Variants in NTRK3 observed in about 807,000 individuals in gnomAD.
NTRK3 encodes neurotrophic receptor tyrosine kinase 3, also known as NT-3 growth factor receptor.
A neutral mutation model predicts 91.7 loss-of-function variants in NTRK3; 24 were observed. The ratio of observed to expected loss-of-function variants is 0.26; its 90% CI spans 0.19 to 0.37. NTRK3 has a LOEUF of 0.37. Ranked by LOEUF, NTRK3 falls within the 10% of genes least tolerant of loss-of-function variation. The pLI is 1.00. For missense variants in NTRK3, 880 were observed against 1,068.9 expected (o/e 0.82, Z 2.46); for synonymous variants, 483 against 404.0 (o/e 1.20, Z -2.34).
intron 13 of NTRK3, among the ~76,000 whole-genome samples, chr15:88,046,277 A>G (rs1280406452): frequency 1.3e-5 from 2 of 152,202 alleles, no homozygotes. Context: ...TTCATGATTC[A>G]TGCCACACCT....
chr15:88,032,988 T>C, exon 14 of NTRK3: 1 of 1,610,192 alleles, frequency 6.2e-7, no homozygotes, highest in Non-Finnish European at 8.5e-7. Context: ...GATGCCGTGG[T>C]TGATGTGGTG....
rs1299092763 is a variant in NTRK3 at position 88,256,049 on chromosome 15, A to G, written c.105T>C (p.Asn35=). The G allele has an allele frequency of 6.8e-6, 11 of 1,612,782 alleles. No homozygotes were observed. The East Asian group carries it at 2.2e-4, about 33-fold the overall frequency. Residue 35 remains asparagine (N), a synonymous_variant, in exon 3 of 19, where the codon AAT becomes AAC. Coordinates refer to ENST00000394480, the Ensembl canonical transcript of NTRK3. ...TGATCTCAGTCTTGCTGCAGACACAATTTGCAGGGCAAGCCAGCACGGAGC... is the reference window on the plus strand; with the variant it reads ...TGATCTCAGTCTTGCTGCAGACACAGTTTGCAGGGCAAGCCAGCACGGAGC...
At chr15:88,105,797 C>T (rs1013777437) in intron 13 of NTRK3, among the ~76,000 whole-genome samples, 19 of 152,158 alleles carry the variant, frequency 1.2e-4, no homozygotes, top group Non-Finnish European at 2.9e-5. Flanking sequence ...GCATGGACCA[C>T]GTGGAGTCCC....
exon 10 of NTRK3, chr15:88,135,333 C>G (rs2151195234): frequency 5.6e-6 from 9 of 1,614,198 alleles, no homozygotes; most frequent in Non-Finnish European, 6.8e-6. Context: ...TGCCACGCAC[C>G]ACAAACTCGA....
At chr15:87,990,623 T>G (rs1418906139) in intron 14 of NTRK3, among the ~76,000 whole-genome samples, 2 of 152,210 alleles carry the variant, frequency 1.3e-5, no homozygotes, top group African/African-American at 4.8e-5. Context: ...GAGAAAAATT[T>G]ATTTTGTTTC....
At chr15:87,952,740 T>C (rs2071258698) in intron 14 of NTRK3, among the ~76,000 whole-genome samples, 1 of 152,164 alleles carries the variant, frequency 6.6e-6, no homozygotes, top group Non-Finnish European at 1.5e-5. Context: ...GAGGAGACTG[T>C]CCGGGAGTCC....
intron 15 of NTRK3, among the ~76,000 whole-genome samples, chr15:87,936,875 G>A (rs192061490): frequency 6.6e-6 from 1 of 152,186 alleles, no homozygotes; most frequent in East Asian, 1.9e-4. Flanking sequence ...CTGGCCATTG[G>A]CTTCCCAGTG....
At chr15:87,910,710 A>G (rs1011375529) in intron 17 of NTRK3, among the ~76,000 whole-genome samples, 1 of 152,160 alleles carries the variant, frequency 6.6e-6, no homozygotes, top group Non-Finnish European at 1.5e-5. Flanking sequence ...AGAGAAACCA[A>G]TGGAGCAGGG....
chr15:87,996,098 G>T (rs1282797463), intron 14 of NTRK3, among the ~76,000 whole-genome samples: 2 of 152,012 alleles, frequency 1.3e-5, no homozygotes, highest in African/African-American at 4.8e-5. Flanking sequence ...ACAAAAATTA[G>T]CCGGGCATGG....
chr15:88,158,509 T>C (rs1406349217), intron 5 of NTRK3, among the ~76,000 whole-genome samples: 1 of 152,150 alleles, frequency 6.6e-6, no homozygotes. Flanking sequence ...CTGAGGTCTA[T>C]TGGCCACCTG....
intron 17 of NTRK3, among the ~76,000 whole-genome samples, chr15:87,892,422 C>T (rs925503299): frequency 2.0e-5 from 3 of 152,124 alleles, no homozygotes; most frequent in Non-Finnish European, 2.9e-5. Flanking sequence ...AATTGAGTTA[C>T]ATTTCAATAA....
At chr15:88,143,391 C>T (rs1468782849) in intron 6 of NTRK3, among the ~76,000 whole-genome samples, 1 of 152,196 alleles carries the variant, frequency 6.6e-6, no homozygotes, top group African/African-American at 2.4e-5. Flanking sequence ...TCCCGCAGAG[C>T]CTTTGAAGGG....
chr15:88,059,116 A>G (rs924265233), intron 13 of NTRK3, among the ~76,000 whole-genome samples: 10 of 152,278 alleles, frequency 6.6e-5, no homozygotes, highest in African/African-American at 2.4e-4. Flanking sequence ...CTCTCCTGGA[A>G]AAGAGAAAAT....
chr15:88,147,208 C>A (rs1427385208), intron 6 of NTRK3, 127 bp downstream of exon 6: 2 of 877,054 alleles, frequency 2.3e-6, no homozygotes, highest in African/African-American at 3.3e-5. Context: ...TCTGTGTCAA[C>A]CAACCCAAGT....
intron 17 of NTRK3, among the ~76,000 whole-genome samples, chr15:87,905,282 A>G (rs926283965): frequency 6.6e-6 from 1 of 152,212 alleles, no homozygotes; most frequent in African/African-American, 2.4e-5. Flanking sequence ...CATCACAGGT[A>G]GAAAATCTTC....
chr15:88,006,797 T>A (rs979159774), intron 14 of NTRK3, among the ~76,000 whole-genome samples: 1 of 152,146 alleles, frequency 6.6e-6, no homozygotes, highest in African/African-American at 2.4e-5. Context: ...AATGCACACA[T>A]GACATACAGA....
rs77295485 is a variant in NTRK3, at chr15:87,965,483, T to G, written c.1586-24730A>C. Among the ~76,000 whole-genome samples the G allele has an allele frequency of 4.7e-3, 717 of 152,208 alleles. 8 individuals are homozygous for G. The highest frequency in any genetic ancestry group is 0.016 in the African/African-American group (684 of 41,524). On this transcript the variant is annotated intron_variant, in intron 14 of 18. Coordinates refer to ENST00000394480, the Ensembl canonical transcript of NTRK3. ...ATCCCCAGTAAATACCAGTCAATTGTGGAGACCTCGAGATCAGTCTCTATG... is the reference window on the plus strand; with the variant it reads ...ATCCCCAGTAAATACCAGTCAATTGGGGAGACCTCGAGATCAGTCTCTATG...
rs996525766 is a variant in NTRK3 at position 88,031,649 on chromosome 15, C to T, written c.1585+1208G>A. Among the ~76,000 whole-genome samples, 4 of 152,240 alleles carry T rather than the reference C, an allele frequency of 2.6e-5. No individual in the cohort carries two copies. In the East Asian group the frequency reaches 7.7e-4, roughly 29 times the overall value. ...AGAACACCCAAGGTTAGGAGGCAAA[C>T]GATGACCTTATGCTGACTCAAGCCC... On this transcript the variant is annotated intron_variant, in intron 14 of 18. Coordinates refer to ENST00000394480, the Ensembl canonical transcript of NTRK3.
chr15:88,192,797 T>A (rs1158316057), intron 3 of NTRK3, among the ~76,000 whole-genome samples: 1 of 151,888 alleles, frequency 6.6e-6, no homozygotes, highest in African/African-American at 2.4e-5. Context: ...CTGGCTTCTT[T>A]CAATCCCTCA....
Sources: gnomAD v4.1 joint callset for allele counts (sites outside exome capture counted in the v4.1 genomes callset) on GRCh38, gnomAD v4.1.1 for gene constraint, MANE v1.5 for transcripts, NCBI Gene and HGNC (gene_info 2026-07-23, HGNC 2026-07-21) for gene names.